The following ATXN10 variants were observed in gnomAD, a reference collection of about 807,000 sequenced individuals.
ATXN10 encodes the protein ataxin 10, also known as ataxin-10.
In ATXN10, 28 loss-of-function variants were observed where a neutral mutation model predicts 52.9. The ratio of observed to expected loss-of-function variants is 0.53; its 90% CI spans 0.39 to 0.73. The LOEUF is 0.73. Ranked by LOEUF, ATXN10 falls within the 30% of genes least tolerant of loss-of-function variation. The pLI, the probability that ATXN10 is intolerant of heterozygous loss-of-function variation, is 0.00. For missense variants in ATXN10, 565 were observed against 577.0 expected (o/e 0.98, Z 0.21); for synonymous variants, 226 against 221.5 (o/e 1.02, Z -0.18).
At chr22:45,830,700 A>G (rs1928962241) in intron 10 of ATXN10, among the ~76,000 whole-genome samples, 1 of 152,106 alleles carries the variant, frequency 6.6e-6, no homozygotes, top group Non-Finnish European at 1.5e-5. Flanking sequence ...ACAAGAAAAA[A>G]AAAAAAAACA....
At chr22:45,778,032 C>T (rs182400120) in intron 9 of ATXN10, among the ~76,000 whole-genome samples, 36 of 152,278 alleles carry the variant, frequency 2.4e-4, no homozygotes, top group Non-Finnish European at 4.1e-4. Flanking sequence ...TGCCTATGGC[C>T]ATTCTCACAC....
Position 45,837,750 on chromosome 22 carries a change from A to G in ATXN10, c.1238-5241A>G. The stretch of plus-strand genomic sequence containing the variant: ...CCGCCAACACAGGCAAGTGATGGGC[A>G]TGGCTGTGTGCCGTAGAACCTTGTT... On this transcript the variant is annotated intron_variant, in intron 10 of 11. Coordinates refer to ENST00000252934, the MANE Select transcript of ATXN10 (RefSeq NM_013236.4). This position sits in a 1 kb window ranked among gnomAD's most constrained non-coding sequence, Gnocchi z 5.8. Among the ~76,000 whole-genome samples, 1 of 152,236 alleles carries G rather than the reference A, an allele frequency of 6.6e-6. No homozygotes were observed. The highest frequency in any genetic ancestry group is 1.5e-5 in the Non-Finnish European group (1 of 68,042).
At chr22:45,740,741 T>TACAC (rs1569044583) in intron 9 of ATXN10, 1 of 322,912 alleles carries the variant, frequency 3.1e-6, no homozygotes, top group Non-Finnish European at 5.5e-6. Flanking sequence ...CACACACACG[T>TACAC]GTGTGTGTGT....
At chr22:45,743,184 A>C (rs758033933) in intron 9 of ATXN10, among the ~76,000 whole-genome samples, 43 of 152,350 alleles carry the variant, frequency 2.8e-4, no homozygotes, top group Non-Finnish European at 5.4e-4. Context: ...ATTTCTCAGC[A>C]AACAGTTTAG....
chr22:45,701,741 G>A lies in ATXN10; in HGVS notation c.489-948G>A, dbSNP rs1923850807. ...AGGATTTCATTCTTTGGTTGGGGAA[G>A]TAAAGGAACAGGCACATAGGTTGTG... On this transcript the variant is annotated intron_variant, in intron 4 of 11. Transcript: ENST00000252934. This position sits in a 1 kb window ranked among gnomAD's most constrained non-coding sequence, Gnocchi z 4.2. Among the ~76,000 whole-genome samples the A allele has an allele frequency of 6.6e-6, 1 of 152,150 alleles. No homozygotes were observed. The highest frequency in any genetic ancestry group is 2.1e-4 in the South Asian group (1 of 4,824).
chr22:45,729,226 C>T (rs560151201), intron 6 of ATXN10, among the ~76,000 whole-genome samples, 199 bp from the exon 7 acceptor site: 197 of 152,214 alleles, frequency 1.3e-3, no homozygotes, highest in African/African-American at 4.5e-3. Context: ...GTGGCCAAGA[C>T]ACATCAAAGA....
Position 45,825,038 on chromosome 22 carries a change from C to G in ATXN10, c.1238-17953C>G, listed in dbSNP as rs1226160110. ...AGCTCTAGCTCAGTAGCAGCTATTC[C>G]TCCTCCATCCCCAGTCCTATGGCAG... On this transcript the variant is annotated intron_variant, in intron 10 of 11. Coordinates refer to ENST00000252934, the MANE Select transcript of ATXN10 (RefSeq NM_013236.4). This position sits in a 1 kb window ranked among gnomAD's most constrained non-coding sequence, Gnocchi z 4.5. Among the ~76,000 whole-genome samples the G allele has an allele frequency of 1.3e-5, 2 of 152,212 alleles. No homozygotes were observed. Among genetic ancestry groups the G allele is most frequent in the East Asian group, 1.9e-4 (1 of 5,196 alleles).
chr22:45,758,347 A>G (rs1465092560), intron 9 of ATXN10, among the ~76,000 whole-genome samples: 1 of 152,220 alleles, frequency 6.6e-6, no homozygotes, highest in Non-Finnish European at 1.5e-5. Context: ...AGCCATTTAG[A>G]ATACATATGA....
chr22:45,808,345 G>A (rs1045877828), intron 10 of ATXN10, among the ~76,000 whole-genome samples: 6 of 152,204 alleles, frequency 3.9e-5, no homozygotes, highest in Admixed American at 6.5e-5. Context: ...TTCACTCACA[G>A]TTTACTTTTA....
chr22:45,736,120 C>G (rs534505550), intron 7 of ATXN10, among the ~76,000 whole-genome samples: 1 of 152,058 alleles, frequency 6.6e-6, no homozygotes, highest in East Asian at 1.9e-4. Flanking sequence ...TCTCTTCCAA[C>G]CTCTAATTTT....
chr22:45,829,321 A>G (rs1469100248), intron 10 of ATXN10, among the ~76,000 whole-genome samples: 1 of 152,210 alleles, frequency 6.6e-6, no homozygotes, highest in Non-Finnish European at 1.5e-5. Flanking sequence ...AAGATCGGGA[A>G]CAAGGCAAGG....
chr22:45,735,112 T>G (rs1452069782), intron 7 of ATXN10, among the ~76,000 whole-genome samples: 1 of 151,906 alleles, frequency 6.6e-6, no homozygotes, highest in African/African-American at 2.4e-5. Context: ...CTCCCGACTT[T>G]GGGTGATCCA....
At position 45,718,666 on chromosome 22, in the gene ATXN10, G is replaced by A. The variant is rs2146774695; in HGVS notation, c.728+173G>A. On this transcript the variant is annotated intron_variant, in intron 6 of 11. Coordinates refer to ENST00000252934, the MANE Select transcript of ATXN10 (RefSeq NM_013236.4). The surrounding 1 kb of genome is among the most constrained non-coding windows in gnomAD (Gnocchi z 4.4). ...TTAACATTACAGCTTAGCCACAGTA[G>A]GCAGTGATTTATGGAGGGTAGCAGG... 6.6e-6 allele frequency among the ~76,000 whole-genome samples: 1 copy of A among 152,264 alleles called. No individual in the cohort carries two copies. The highest frequency in any genetic ancestry group is 6.5e-5 in the Admixed American group (1 of 15,278).
chr22:45,829,102 A>G (rs1928907921), intron 10 of ATXN10, among the ~76,000 whole-genome samples: 1 of 152,226 alleles, frequency 6.6e-6, no homozygotes, highest in African/African-American at 2.4e-5. Context: ...CACCACATTA[A>G]TAGAATGAAG....
In ATXN10 at chr22:45,804,213, T is replaced by C. The variant is rs1297752677; in HGVS notation, c.1174-2746T>C. Among the ~76,000 whole-genome samples, 4 of 152,198 alleles carry C rather than the reference T, an allele frequency of 2.6e-5. No homozygotes were observed. The East Asian group carries it at 7.7e-4, about 29-fold the overall frequency. On this transcript the variant is annotated intron_variant, in intron 9 of 11. Coordinates refer to ENST00000252934, the MANE Select transcript of ATXN10 (RefSeq NM_013236.4). ...CAGACCTCACCTTGAATAGCACTTA[T>C]TAGGTCAGTGACCACAGGAAGGGGA...
At position 45,805,300 on chromosome 22, in the gene ATXN10, G is replaced by A. The variant is rs1244794050; in HGVS notation, c.1174-1659G>A. On this transcript the variant is annotated intron_variant, in intron 9 of 11. Transcript: ENST00000252934. The surrounding 1 kb of genome is among the most constrained non-coding windows in gnomAD (Gnocchi z 4.4). ...TAAACACTGTGAAAACAGTCTGGCT[G>A]TTCCTCAAATGTTTATAACTCATAT... Among the ~76,000 whole-genome samples, 3 of 152,170 alleles carry A rather than the reference G, an allele frequency of 2.0e-5. No individual in the cohort carries two copies. Among genetic ancestry groups the A allele is most frequent in the African/African-American group, 7.2e-5 (3 of 41,432 alleles).
At chr22:45,760,171 G>A (rs998004076) in intron 9 of ATXN10, among the ~76,000 whole-genome samples, 8 of 152,114 alleles carry the variant, frequency 5.3e-5, no homozygotes, top group Non-Finnish European at 1.2e-4. Context: ...CTGTGGCTTG[G>A]TTCTGGGCCT....
At chr22:45,768,013 G>A (rs1926646602) in intron 9 of ATXN10, among the ~76,000 whole-genome samples, 1 of 152,174 alleles carries the variant, frequency 6.6e-6, no homozygotes, top group African/African-American at 2.4e-5. Context: ...GCATAATAGA[G>A]ATACAAAGAT....
chr22:45,713,507 G>T (rs1056736194), intron 5 of ATXN10, among the ~76,000 whole-genome samples: 1 of 152,098 alleles, frequency 6.6e-6, no homozygotes, highest in South Asian at 2.1e-4. Flanking sequence ...CTATATGACC[G>T]TTCCTCGTCC....
Sources: gnomAD v4.1 joint callset for allele counts (sites outside exome capture counted in the v4.1 genomes callset) on GRCh38, gnomAD v4.1.1 for gene constraint, Gnocchi (gnomAD v3.1) non-coding constraint, MANE v1.5 for transcripts, NCBI Gene and HGNC (gene_info 2026-07-23, HGNC 2026-07-21) for gene names.